Variants in GLG1 observed in about 807,000 individuals in gnomAD.
GLG1 encodes Golgi apparatus protein 1.
In GLG1, 38 loss-of-function variants were observed where a neutral mutation model predicts 160.5. The ratio of observed to expected loss-of-function variants is 0.24; its 90% CI spans 0.18 to 0.31. The LOEUF is 0.31. GLG1 is among the 10% of genes least tolerant of loss of function. The probability of loss-of-function intolerance (pLI) is 1.00; values close to 1 mark genes in which losing one functional copy is unlikely to be tolerated. For synonymous variants in GLG1, 644 were observed against 543.4 expected, an observed-to-expected ratio of 1.19 and a Z score of -2.57; for missense variants, 1,373 against 1,505.2, an observed-to-expected ratio of 0.91 and a Z score of 1.45.
chr16:74,458,954 C>G (rs1567454851), intron 23 of GLG1, among the ~76,000 whole-genome samples: 1 of 152,196 alleles, frequency 6.6e-6, no homozygotes, highest in South Asian at 2.1e-4. Flanking sequence ...AGTTAGTATG[C>G]TCCAGACAAG....
At chr16:74,564,093 G>A (rs913011756) in intron 1 of GLG1, among the ~76,000 whole-genome samples, 1 of 152,108 alleles carries the variant, frequency 6.6e-6, no homozygotes, top group Non-Finnish European at 1.5e-5. Context: ...GCTAATTTTT[G>A]TATTTTCTGT....
chr16:74,589,811 C>T (rs1467878651), intron 1 of GLG1, among the ~76,000 whole-genome samples: 1 of 152,070 alleles, frequency 6.6e-6, no homozygotes, highest in Non-Finnish European at 1.5e-5. Context: ...GTGGTACACG[C>T]CTGTGGTCCC....
At chr16:74,580,529 A>T (rs1957915176) in intron 1 of GLG1, among the ~76,000 whole-genome samples, 1 of 152,186 alleles carries the variant, frequency 6.6e-6, no homozygotes, top group East Asian at 1.9e-4. Flanking sequence ...AATTAACTCA[A>T]AATGGATCAA....
intron 8 of GLG1, 120 bp from the exon 9 acceptor site, chr16:74,486,037 C>CT: frequency 5.6e-6 from 4 of 716,626 alleles, no homozygotes; most frequent in Non-Finnish European, 6.8e-6. Context: ...ATAAAGTTGT[C>CT]TACAGTTGTC....
rs1253964624 is a variant in GLG1 at position 74,485,834 on chromosome 16, G to A, written c.1533C>T (p.Ile511=). ...ATCTTATATGTTTGCAGGCTGTCTG[G>A]ATTACAGATTCACAAGCTTCATTCA... ...RALNEACESV[I]QTACKHIRSG... is the part of the protein sequence containing the mutation. The change falls in exon 9 of 26, where the codon ATC becomes ATT. Residue 511 remains isoleucine, a synonymous_variant. Coordinates refer to ENST00000422840, the MANE Select transcript of GLG1 (RefSeq NM_001145667.2). 1.2e-6 allele frequency: 2 copies of A among 1,612,922 alleles called. No homozygotes were observed. The highest frequency in any genetic ancestry group is 4.5e-5 in the East Asian group (2 of 44,864).
At chr16:74,563,674 C>T (rs1179916255) in intron 1 of GLG1, among the ~76,000 whole-genome samples, 3 of 113,704 alleles carry the variant, frequency 2.6e-5, no homozygotes, top group African/African-American at 1.1e-4. Context: ...TTGCAGGGAG[C>T]CGAGATCACG....
intron 1 of GLG1, among the ~76,000 whole-genome samples, chr16:74,539,372 C>T (rs985375020): frequency 6.6e-6 from 1 of 152,132 alleles, no homozygotes; most frequent in African/African-American, 2.4e-5. Flanking sequence ...CAAATTAGAG[C>T]TCATTTATCC....
intron 11 of GLG1, among the ~76,000 whole-genome samples, 181 bp downstream of exon 11, chr16:74,480,060 C>T (rs537767154): frequency 6.6e-6 from 1 of 152,130 alleles, no homozygotes; most frequent in East Asian, 1.9e-4. Flanking sequence ...ATGATAGAAG[C>T]TGGTAGGGCA....
chr16:74,533,200 A>G (rs1220690405), intron 1 of GLG1, among the ~76,000 whole-genome samples: 1 of 152,166 alleles, frequency 6.6e-6, no homozygotes, highest in African/African-American at 2.4e-5. Context: ...AGGCGCCTGT[A>G]GTCCCAGCTA....
chr16:74,606,012 G>C (rs531110072), intron 1 of GLG1, among the ~76,000 whole-genome samples: 1 of 152,204 alleles, frequency 6.6e-6, no homozygotes, highest in South Asian at 2.1e-4. Context: ...ATCACATTCA[G>C]ACCTCAGAAA....
intron 1 of GLG1, among the ~76,000 whole-genome samples, chr16:74,544,023 G>C (rs2550858): frequency 2.7e-4 from 41 of 152,334 alleles, no homozygotes; most frequent in Admixed American, 5.2e-4. Context: ...AAATGGCTTG[G>C]AGAAGTGAAA....
intron 1 of GLG1, among the ~76,000 whole-genome samples, chr16:74,589,605 G>A (rs543306013): frequency 6.6e-6 from 1 of 152,324 alleles, no homozygotes; most frequent in East Asian, 1.9e-4. Context: ...GCAGCAAGAT[G>A]TGTATGGAGC....
At chr16:74,497,293 A>AAC (rs200732371) in intron 4 of GLG1, among the ~76,000 whole-genome samples, 3 of 14,996 alleles carry the variant, frequency 2.0e-4, no homozygotes, top group Admixed American at 8.2e-4. Flanking sequence ...CTGTAAAAAA[A>AAC]ACACACACAC....
Position 74,451,819 on chromosome 16 carries a change from G to A in GLG1, c.*1348C>T, listed in dbSNP as rs1196411553. 6.2e-6 allele frequency: 3 copies of A among 481,974 alleles called. No individual in the cohort carries two copies. Among genetic ancestry groups the A allele is most frequent in the East Asian group, 7.3e-5 (2 of 27,290 alleles). 29.9% of individuals were successfully genotyped at this position (481,974 alleles called of 1,614,324 possible). A position where few individuals can be genotyped will look rare whatever the true frequency, so the allele number is the denominator to read the frequency against. On this transcript the variant is annotated 3_prime_UTR_variant, in exon 26 of 26. Coordinates refer to ENST00000422840, the MANE Select transcript of GLG1 (RefSeq NM_001145667.2). Reference sequence around the variant, plus strand: ...CTTGTCATCTCCACACTGGAGGAATGAGGCGGGATGGCCAAGAATATTGCT... The same window carrying A: ...CTTGTCATCTCCACACTGGAGGAATAAGGCGGGATGGCCAAGAATATTGCT...
At chr16:74,470,974 CT>C (rs1285388979) in intron 15 of GLG1, among the ~76,000 whole-genome samples, 198 bp downstream of exon 15, 8 of 151,974 alleles carry the variant, frequency 5.3e-5, no homozygotes, top group African/African-American at 1.9e-4. Context: ...TCAGGTTGGT[CT>C]TGAACTCCTG....
At chr16:74,561,166 C>A (rs2018502911) in intron 1 of GLG1, among the ~76,000 whole-genome samples, 1 of 151,708 alleles carries the variant, frequency 6.6e-6, no homozygotes, top group African/African-American at 2.4e-5. Context: ...CTGCTGGTGT[C>A]AGAGCTGGGC....
At chr16:74,567,186 G>A (rs1260717319) in intron 1 of GLG1, among the ~76,000 whole-genome samples, 2 of 151,090 alleles carry the variant, frequency 1.3e-5, no homozygotes, top group Non-Finnish European at 2.9e-5. Context: ...GTGTGTGGGG[G>A]GTGTAGGGAG....
intron 4 of GLG1, among the ~76,000 whole-genome samples, chr16:74,502,292 C>A (rs575910422): frequency 6.6e-6 from 1 of 152,166 alleles, no homozygotes; most frequent in South Asian, 2.1e-4. Flanking sequence ...TAAACCTGGC[C>A]AGATCTCTAT....
chr16:74,520,177 A>T (rs2017116725), intron 2 of GLG1, among the ~76,000 whole-genome samples: 1 of 152,050 alleles, frequency 6.6e-6, no homozygotes, highest in African/African-American at 2.4e-5. Flanking sequence ...TCCTGTTTCC[A>T]TCAGGGACTG....
Sources: gnomAD v4.1 joint callset for allele counts (sites outside exome capture counted in the v4.1 genomes callset) on GRCh38, gnomAD v4.1.1 for gene constraint, MANE v1.5 for transcripts, NCBI Gene and HGNC (gene_info 2026-07-23, HGNC 2026-07-21) for gene names.